Variants in ASAP1 observed in about 807,000 individuals in gnomAD.
ASAP1 encodes ArfGAP with SH3 domain, ankyrin repeat and PH domain 1.
Under a neutral mutation model 145.2 loss-of-function variants are expected in ASAP1, and 43 were observed. The ratio of observed to expected loss-of-function variants is 0.30; its 90% CI spans 0.23 to 0.38. The LOEUF (loss-of-function observed/expected upper bound fraction) is 0.38, where lower values mean the gene tolerates loss of function less well. Ranked by LOEUF, ASAP1 falls within the 10% of genes least tolerant of loss-of-function variation. The pLI is 1.00. For synonymous variants in ASAP1, 546 were observed against 515.5 expected (o/e 1.06, Z -0.80); for missense variants, 1,018 against 1,355.3 (o/e 0.75, Z 3.91).
At chr8:130,437,573 C>T (rs966133448) in intron 1 of ASAP1, among the ~76,000 whole-genome samples, 1 of 152,194 alleles carries the variant, frequency 6.6e-6, no homozygotes, top group African/African-American at 2.4e-5. Flanking sequence ...AATGCCTGGG[C>T]ACCCTTTTTA....
At chr8:130,108,810 T>C (rs889500940) in intron 24 of ASAP1, among the ~76,000 whole-genome samples, 1 of 132,594 alleles carries the variant, frequency 7.5e-6, no homozygotes, top group African/African-American at 2.8e-5. Context: ...AGTTTCACTC[T>C]TGTTGCCCAG....
chr8:130,228,923 G>T (rs185585381), intron 4 of ASAP1, among the ~76,000 whole-genome samples: 1 of 151,888 alleles, frequency 6.6e-6, no homozygotes, highest in African/African-American at 2.4e-5. Context: ...AAATCAGCAC[G>T]GGGTGTTCCA....
intron 12 of ASAP1, among the ~76,000 whole-genome samples, chr8:130,157,035 T>C (rs2097659533): frequency 6.6e-6 from 1 of 152,224 alleles, no homozygotes; most frequent in South Asian, 2.1e-4. Context: ...TTGCTCATAA[T>C]GGAACACAAT....
At chr8:130,251,207 C>T (rs1819175509) in intron 3 of ASAP1, among the ~76,000 whole-genome samples, 1 of 152,080 alleles carries the variant, frequency 6.6e-6, no homozygotes. Context: ...CACTTGAGGT[C>T]AGGAGTTCAA....
At chr8:130,325,123 C>T (rs941151291) in intron 3 of ASAP1, among the ~76,000 whole-genome samples, 2 of 152,172 alleles carry the variant, frequency 1.3e-5, no homozygotes, top group African/African-American at 4.8e-5. Context: ...AAGAGAATAG[C>T]AGCAGTAATA....
chr8:130,089,934 T>C (rs1019473214), intron 25 of ASAP1, among the ~76,000 whole-genome samples: 2 of 152,244 alleles, frequency 1.3e-5, no homozygotes, highest in African/African-American at 2.4e-5. Flanking sequence ...CGAGGACAGA[T>C]GATGATTTTT....
intron 3 of ASAP1, among the ~76,000 whole-genome samples, chr8:130,277,031 G>T (rs1820954768): frequency 6.6e-6 from 1 of 152,082 alleles, no homozygotes; most frequent in Admixed American, 6.5e-5. Context: ...GGCTTTGACA[G>T]CGTAACCCCA....
At chr8:130,323,879 C>A (rs953887684) in intron 3 of ASAP1, among the ~76,000 whole-genome samples, 5 of 152,028 alleles carry the variant, frequency 3.3e-5, no homozygotes, top group East Asian at 3.9e-4. Flanking sequence ...TTAAAAAAAA[C>A]CACTTATCTG....
chr8:130,126,277 A>T (rs1233830222), intron 16 of ASAP1, among the ~76,000 whole-genome samples, 188 bp from the exon 17 acceptor site: 2 of 152,246 alleles, frequency 1.3e-5, no homozygotes, highest in Non-Finnish European at 1.5e-5. Flanking sequence ...TACTGAACTG[A>T]AAACAAAATT....
rs1288838544 is a variant in ASAP1, at chr8:130,316,234, C to T, written c.186+41783G>A. On this transcript the variant is annotated intron_variant, in intron 3 of 29. Transcript: ENST00000518721. ...CATCTTTCTCTACTGAGCTCCAGGA[C>T]ACTAATACTTCAATAACTTTTCCAT... is the stretch of plus-strand genomic sequence containing the variant. Among the ~76,000 whole-genome samples, 4 of 152,326 alleles carry T rather than the reference C, an allele frequency of 2.6e-5. No individual in the cohort carries two copies. The East Asian group carries it at 7.7e-4, about 29-fold the overall frequency.
intron 3 of ASAP1, among the ~76,000 whole-genome samples, chr8:130,299,436 T>C (rs1021201062): frequency 8.5e-5 from 13 of 152,204 alleles, no homozygotes; most frequent in African/African-American, 2.9e-4. Context: ...ACTAACAAAT[T>C]GTGTCTACTG....
intron 18 of ASAP1, among the ~76,000 whole-genome samples, chr8:130,120,519 T>C (rs1465953101): frequency 1.3e-5 from 2 of 152,196 alleles, no homozygotes; most frequent in Admixed American, 1.3e-4. Context: ...ATTTGAAAGC[T>C]TCCTTCCCAT....
intron 3 of ASAP1, among the ~76,000 whole-genome samples, chr8:130,335,857 A>G (rs149177610): frequency 2.7e-3 from 410 of 152,332 alleles, no homozygotes; most frequent in African/African-American, 9.5e-3. Flanking sequence ...AATAAAAATG[A>G]TATGGAAACT....
intron 18 of ASAP1, among the ~76,000 whole-genome samples, chr8:130,121,508 G>A (rs796928377): frequency 3.3e-5 from 5 of 152,282 alleles, no homozygotes; most frequent in African/African-American, 1.2e-4. Flanking sequence ...GAGGCTGGGT[G>A]CAGTGGCTCA....
chr8:130,138,626 C>T (rs948372129), intron 13 of ASAP1, among the ~76,000 whole-genome samples: 5 of 152,040 alleles, frequency 3.3e-5, no homozygotes, highest in African/African-American at 9.7e-5. Context: ...CACCTGAGGT[C>T]GGGAGTTCCA....
intron 15 of ASAP1, among the ~76,000 whole-genome samples, chr8:130,129,336 G>T (rs1243477676): frequency 6.6e-6 from 1 of 152,104 alleles, no homozygotes; most frequent in Non-Finnish European, 1.5e-5. Flanking sequence ...AGGCTAAAAG[G>T]AATTTCACAA....
intron 3 of ASAP1, among the ~76,000 whole-genome samples, chr8:130,251,481 CA>C (rs1328838692): frequency 2.0e-5 from 3 of 151,678 alleles, no homozygotes; most frequent in East Asian, 1.9e-4. Flanking sequence ...AGTTAGGCCT[CA>C]AAAAAATATA....
intron 1 of ASAP1, among the ~76,000 whole-genome samples, chr8:130,405,967 G>C (rs1292584195): frequency 6.6e-6 from 1 of 152,118 alleles, no homozygotes; most frequent in Non-Finnish European, 1.5e-5. Flanking sequence ...AAGTAATCTA[G>C]GTTCATCAGA....
At position 130,336,246 on chromosome 8, in the gene ASAP1, A is replaced by C. The variant is rs1304125776; in HGVS notation, c.186+21771T>G. ...TTAATAATCACAGTGGGGGAGAAGA[A>C]GGCAAAGTTACAAAAGGGCATGTGT... On this transcript the variant is annotated intron_variant, in intron 3 of 29. Coordinates refer to ENST00000518721, the MANE Select transcript of ASAP1 (RefSeq NM_018482.4). Among the ~76,000 whole-genome samples, 5 of 152,222 alleles carry C rather than the reference A, an allele frequency of 3.3e-5. No individual in the cohort carries two copies. In the East Asian group the frequency reaches 9.6e-4, roughly 29 times the overall value.
Sources: gnomAD v4.1 joint callset for allele counts (sites outside exome capture counted in the v4.1 genomes callset) on GRCh38, gnomAD v4.1.1 for gene constraint, MANE v1.5 for transcripts, NCBI Gene and HGNC (gene_info 2026-07-23, HGNC 2026-07-21) for gene names.